The following UBA5 variants were observed in gnomAD, a reference collection of about 807,000 sequenced individuals.
UBA5 encodes the protein ubiquitin-like modifier-activating enzyme 5.
In UBA5, 28 loss-of-function variants were observed where a neutral mutation model predicts 52.9. The ratio of observed to expected loss-of-function variants is 0.53; its 90% CI spans 0.39 to 0.73. The LOEUF (loss-of-function observed/expected upper bound fraction) is 0.73, where lower values mean the gene tolerates loss of function less well. Among genes scored for constraint, UBA5 ranks in the 30% least tolerant of loss-of-function variants. The pLI, the probability that UBA5 is intolerant of heterozygous loss-of-function variation, is 0.00. For missense variants in UBA5, 388 were observed against 492.7 expected (o/e 0.79, Z 2.01); for synonymous variants, 135 against 162.1 (o/e 0.83, Z 1.27).
Position 132,677,589 on chromosome 3 carries a change from C to T in UBA5, c.*1063C>T, listed in dbSNP as rs146705773. 2 of 152,214 alleles carry T rather than the reference C, an allele frequency of 1.3e-5. No individual in the cohort carries two copies. The highest frequency in any genetic ancestry group is 2.4e-5 in the African/African-American group (1 of 41,534). 9.4% of individuals were successfully genotyped at this position (152,214 alleles called of 1,614,324 possible). A position where few individuals can be genotyped will look rare whatever the true frequency, so the allele number is the denominator to read the frequency against. ...GAGAACCTTGGTTGAAATAAATTTCCAATAGTTTGGAGACTCATAAATACC... is the reference window on the plus strand; with the variant it reads ...GAGAACCTTGGTTGAAATAAATTTCTAATAGTTTGGAGACTCATAAATACC... On this transcript the variant is annotated 3_prime_UTR_variant, in exon 12 of 12. Transcript: ENST00000356232.
In UBA5 at chr3:132,679,470, C is replaced by A. The variant is rs930582595; in HGVS notation, c.*2944C>A. On this transcript the variant is annotated 3_prime_UTR_variant, in exon 12 of 12. Coordinates refer to ENST00000356232, the MANE Select transcript of UBA5 (RefSeq NM_024818.6). Reference sequence around the variant, plus strand: ...TTTATCTTCTTAAGTATGCATTCTACATGAGAACGTTTGGGTTGGTAGTAA... The same window carrying A: ...TTTATCTTCTTAAGTATGCATTCTAAATGAGAACGTTTGGGTTGGTAGTAA... Among the ~76,000 whole-genome samples the A allele has an allele frequency of 2.0e-5, 3 of 152,096 alleles. No homozygotes were observed. The highest frequency in any genetic ancestry group is 7.2e-5 in the African/African-American group (3 of 41,424).
rs1203595385 is a variant in UBA5, at chr3:132,671,062, G to A, written c.579+13G>A. On this transcript the variant is annotated intron_variant, in intron 6 of 11. Coordinates refer to ENST00000356232, the MANE Select transcript of UBA5 (RefSeq NM_024818.6). ...GACAATAAATACAGTGAGTATTCCT[G>A]CTGTGCAAGATATATTCATGGATTT... 6.3e-7 allele frequency: 1 copy of A among 1,599,746 alleles called. No homozygotes were observed. The highest frequency in any genetic ancestry group is 1.3e-5 in the African/African-American group (1 of 74,720).
rs575238219 is a variant in UBA5, at chr3:132,660,773, C to A, written c.161+75C>A. The A allele has an allele frequency of 6.9e-7, 1 of 1,454,230 alleles. No homozygotes were observed. Among genetic ancestry groups the A allele is most frequent in the East Asian group, 2.5e-5 (1 of 40,022 alleles). 90.1% of individuals were successfully genotyped at this position (1,454,230 alleles called of 1,614,324 possible). A position where few individuals can be genotyped will look rare whatever the true frequency, so the allele number is the denominator to read the frequency against. On this transcript the variant is annotated intron_variant, in intron 1 of 11. Coordinates refer to ENST00000356232, the MANE Select transcript of UBA5 (RefSeq NM_024818.6). This position sits in a 1 kb window ranked among gnomAD's most constrained non-coding sequence, Gnocchi z 4.1. ...CCGTGAGGTCAGAAGTGAGGCGCTTCCCACGTCCCGCTCATGGGGACGCCC... is the reference window on the plus strand; with the variant it reads ...CCGTGAGGTCAGAAGTGAGGCGCTTACCACGTCCCGCTCATGGGGACGCCC...
chr3:132,663,509 C>T (rs1938252308), intron 1 of UBA5, among the ~76,000 whole-genome samples: 1 of 152,152 alleles, frequency 6.6e-6, no homozygotes, highest in South Asian at 2.1e-4. Flanking sequence ...CTTGCTTCTT[C>T]ACTTCCAACA....
At chr3:132,661,167 C>A in intron 1 of UBA5, 1 of 778,460 alleles carries the variant, frequency 1.3e-6, no homozygotes, top group Non-Finnish European at 1.8e-6. Context: ...TCAAACCATT[C>A]GACATTACCA....
At chr3:132,673,329 G>C (rs1215946232) in intron 8 of UBA5, among the ~76,000 whole-genome samples, 5 of 151,786 alleles carry the variant, frequency 3.3e-5, no homozygotes, top group Admixed American at 6.6e-5. Context: ...ATATATCTTT[G>C]AATACTAGAT....
intron 1 of UBA5, among the ~76,000 whole-genome samples, chr3:132,665,018 T>G (rs1057229804): frequency 4.5e-4 from 68 of 152,158 alleles, no homozygotes; most frequent in African/African-American, 1.6e-3. Flanking sequence ...TTTTAATATA[T>G]TGCATGGCCC....
chr3:132,655,919 A>G (rs1001170387), upstream of UBA5, among the ~76,000 whole-genome samples: 1 of 152,260 alleles, frequency 6.6e-6, no homozygotes, highest in African/African-American at 2.4e-5. Flanking sequence ...AAATTTTAAA[A>G]GTAAATCTTG....
chr3:132,673,969 A>G (rs547628152), intron 8 of UBA5, among the ~76,000 whole-genome samples: 58 of 152,270 alleles, frequency 3.8e-4, no homozygotes, highest in Middle Eastern at 3.4e-3. Flanking sequence ...CACGGCCTAT[A>G]GTACACATTT....
Position 132,670,487 on chromosome 3 carries a change from A to G in UBA5, c.494+203A>G, listed in dbSNP as rs1938554464. Among the ~76,000 whole-genome samples the G allele has an allele frequency of 2.0e-5, 3 of 152,274 alleles. No individual in the cohort carries two copies. The South Asian group carries it at 6.2e-4, about 32-fold the overall frequency. ...TGTCCAAAAACAATTAAAAATAAAA[A>G]GCAAACAAGCAAAAAACCCCTGTAA... On this transcript the variant is annotated intron_variant, in intron 5 of 11. Transcript: ENST00000356232.
upstream of UBA5, among the ~76,000 whole-genome samples, chr3:132,655,608 TGTG>T (rs1937747611): frequency 6.6e-6 from 1 of 152,224 alleles, no homozygotes; most frequent in Non-Finnish European, 1.5e-5. Flanking sequence ...CTGAATGCCG[TGTG>T]CTCGAGGAAA....
At chr3:132,655,768 A>T (rs1462611787), upstream of UBA5, among the ~76,000 whole-genome samples, 5 of 152,308 alleles carry the variant, frequency 3.3e-5, no homozygotes, top group South Asian at 1.0e-3. Flanking sequence ...TTATTGTTAC[A>T]TCCTCAGTGG....
chr3:132,670,378 G>A, intron 5 of UBA5, 94 bp downstream of exon 5: 2 of 566,474 alleles, frequency 3.5e-6, no homozygotes, highest in Non-Finnish European at 6.1e-6. Context: ...ATGAATGGAA[G>A]ATTGATATAT....
At position 132,678,504 on chromosome 3, in the gene UBA5, G is replaced by A. The variant is rs1938924913; in HGVS notation, c.*1978G>A. ...AACAACATATTCAACTTTAATTCCT[G>A]TCTTATTGTTAATGGGAAGTTAGTT... On this transcript the variant is annotated 3_prime_UTR_variant, in exon 12 of 12. Coordinates refer to ENST00000356232, the MANE Select transcript of UBA5 (RefSeq NM_024818.6). Among the ~76,000 whole-genome samples, 4 of 152,094 alleles carry A rather than the reference G, an allele frequency of 2.6e-5. No individual in the cohort carries two copies. In the South Asian group the frequency reaches 8.3e-4, roughly 31 times the overall value.
rs1279855052 is a variant in UBA5, at chr3:132,670,308, T to A, written c.494+24T>A. The A allele has an allele frequency of 7.0e-6, 7 of 997,958 alleles. No homozygotes were observed. In the Admixed American group the frequency reaches 1.3e-4, roughly 19 times the overall value. The allele number at this position is 997,958 out of a possible 1,614,324, so 61.8% of individuals were successfully genotyped here. Reference sequence around the variant, plus strand: ...AGGTAAAATTTTAATTTATGAATATTTTGTATAATGTCCAGCTCAAGTATT... The same window carrying A: ...AGGTAAAATTTTAATTTATGAATATATTGTATAATGTCCAGCTCAAGTATT... On this transcript the variant is annotated intron_variant, in intron 5 of 11. Transcript: ENST00000356232.
At chr3:132,666,223 TC>T (rs1357856094) in intron 3 of UBA5, 150 bp downstream of exon 3, 35 of 619,062 alleles carry the variant, frequency 5.7e-5, no homozygotes, top group Non-Finnish European at 1.7e-5. Flanking sequence ...TTGAGACATA[TC>T]CCCACCCAAA....
At position 132,671,082 on chromosome 3, in the gene UBA5, G is replaced by A. The variant is rs1167201821; in HGVS notation, c.579+33G>A. On this transcript the variant is annotated intron_variant, in intron 6 of 11. Transcript: ENST00000356232. The stretch of plus-strand genomic sequence containing the variant: ...TTCCTGCTGTGCAAGATATATTCAT[G>A]GATTTATCTGTTTTCCTGTATATTC... 5 of 1,552,852 alleles carry A rather than the reference G, an allele frequency of 3.2e-6. No individual in the cohort carries two copies. In the African/African-American group the frequency reaches 4.1e-5, roughly 13 times the overall value.
intron 3 of UBA5, chr3:132,667,249 G>C (rs760638837): frequency 1.3e-5 from 2 of 152,168 alleles, no homozygotes; most frequent in Non-Finnish European, 2.9e-5. Flanking sequence ...ATTAAAGTTG[G>C]AGAAGTGCTC....
At chr3:132,659,867 C>G, upstream of UBA5, 6 of 1,293,950 alleles carry the variant, frequency 4.6e-6, no homozygotes, top group Non-Finnish European at 6.2e-6. Context: ...TGGGGTCTGG[C>G]TCCAGCCAAC....
Sources: gnomAD v4.1 joint callset for allele counts (sites outside exome capture counted in the v4.1 genomes callset) on GRCh38, gnomAD v4.1.1 for gene constraint, Gnocchi (gnomAD v3.1) non-coding constraint, MANE v1.5 for transcripts, NCBI Gene and HGNC (gene_info 2026-07-23, HGNC 2026-07-21) for gene names.